NAA35: variants seen among roughly 807,000 people sequenced by gnomAD.
NAA35 encodes N-alpha-acetyltransferase 35, NatC auxiliary subunit.
In NAA35, 18 loss-of-function variants were observed where a neutral mutation model predicts 101.7. The observed-to-expected ratio is 0.18, with a 90% CI of 0.12 to 0.26. NAA35 has a LOEUF of 0.26. Among genes scored for constraint, NAA35 ranks in the 10% least tolerant of loss-of-function variants. The pLI, the probability that NAA35 is intolerant of heterozygous loss-of-function variation, is 1.00. For missense variants in NAA35, 601 were observed against 886.8 expected (o/e 0.68, Z 4.09); for synonymous variants, 267 against 273.1 (o/e 0.98, Z 0.22).
chr9:85,999,729 C>T (rs953740123), intron 12 of NAA35, among the ~76,000 whole-genome samples: 8 of 152,200 alleles, frequency 5.3e-5, no homozygotes, highest in Non-Finnish European at 4.4e-5. Context: ...CCCGAATAGG[C>T]ATTTATTCTG....
At chr9:85,951,858 C>T (rs947014950) in intron 2 of NAA35, among the ~76,000 whole-genome samples, 5 of 152,158 alleles carry the variant, frequency 3.3e-5, no homozygotes, top group African/African-American at 1.2e-4. Context: ...CGGGGTTTCG[C>T]CATGTTGGCC....
chr9:85,954,734 CT>C (rs1226652593), intron 2 of NAA35, among the ~76,000 whole-genome samples: 1 of 152,134 alleles, frequency 6.6e-6, no homozygotes, highest in Non-Finnish European at 1.5e-5. Flanking sequence ...CCTCCATTGC[CT>C]TTTTACCTTC....
chr9:85,964,567 A>G (rs925408043), intron 6 of NAA35, among the ~76,000 whole-genome samples: 5 of 152,172 alleles, frequency 3.3e-5, no homozygotes, highest in African/African-American at 7.2e-5. Context: ...GCGTATCTCT[A>G]TAGTATTCTT....
chr9:85,992,750 T>C (rs1484367463), intron 11 of NAA35, among the ~76,000 whole-genome samples: 1 of 152,190 alleles, frequency 6.6e-6, no homozygotes, highest in Non-Finnish European at 1.5e-5. Context: ...TTAAATGCAG[T>C]TGACATGGTT....
At chr9:85,955,354 ATATATATT>A (rs1587565127) in intron 2 of NAA35, among the ~76,000 whole-genome samples, 2 of 59,114 alleles carry the variant, frequency 3.4e-5, no homozygotes, top group African/African-American at 1.9e-4. Flanking sequence ...ATATATATAT[ATATATATT>A]TTTTTTTTTT....
chr9:85,989,101 T>C (rs1830781613), intron 11 of NAA35, among the ~76,000 whole-genome samples: 2 of 152,320 alleles, frequency 1.3e-5, no homozygotes, highest in South Asian at 4.1e-4. Flanking sequence ...AAAGCAACTA[T>C]TATATTGGCT....
chr9:85,975,749 A>T (rs952419052), intron 8 of NAA35, among the ~76,000 whole-genome samples: 5 of 152,090 alleles, frequency 3.3e-5, no homozygotes, highest in African/African-American at 1.2e-4. Flanking sequence ...TTACTATGGT[A>T]TTTTAAAAAT....
chr9:86,012,998 A>T, intron 15 of NAA35, 48 bp from the exon 16 acceptor site: 2 of 1,262,468 alleles, frequency 1.6e-6, no homozygotes, highest in Non-Finnish European at 2.2e-6. Context: ...TTTCTTTGGT[A>T]CTAGGAAATT....
At position 86,009,907 on chromosome 9, in the gene NAA35, C is replaced by T. The variant is rs1332623465; in HGVS notation, c.1266C>T (p.Asp422=). The T allele has an allele frequency of 6.2e-7, 1 of 1,613,306 alleles. No individual in the cohort carries two copies. The highest frequency in any genetic ancestry group is 1.3e-5 in the African/African-American group (1 of 75,018). ...YNNHQAKDCI[D]SFVTHCVRPF... The stretch of plus-strand genomic sequence containing the variant: ...ATCACCAGGCTAAGGACTGTATCGA[C>T]TCCTTTGTTACTCACTGTGTTCGGG... The change falls in exon 15 of 23, where the codon GAC becomes GAT. Residue 422 remains aspartate (D), a synonymous_variant. Transcript: ENST00000361671.
At chr9:85,942,663 A>G (rs769345276) in intron 2 of NAA35, among the ~76,000 whole-genome samples, 2 of 152,194 alleles carry the variant, frequency 1.3e-5, no homozygotes, top group Non-Finnish European at 2.9e-5. Flanking sequence ...TGTTGCAGGT[A>G]GAATAAAATC....
chr9:85,947,336 C>T (rs1480862702), intron 2 of NAA35, among the ~76,000 whole-genome samples: 2 of 151,396 alleles, frequency 1.3e-5, no homozygotes, highest in African/African-American at 2.4e-5. Flanking sequence ...TCTTTTTTGC[C>T]CCCCACAGCC....
intron 4 of NAA35, among the ~76,000 whole-genome samples, chr9:85,959,448 ATTAATAC>A (rs1829419647): frequency 6.6e-6 from 1 of 151,266 alleles, no homozygotes. Context: ...AATGATTTAT[ATTAATAC>A]TTAAAGCTGG....
At chr9:86,014,568 C>T (rs1029399758) in intron 17 of NAA35, among the ~76,000 whole-genome samples, 7 of 152,192 alleles carry the variant, frequency 4.6e-5, no homozygotes, top group African/African-American at 1.7e-4. Context: ...CTGTGTTACT[C>T]ATCACAAACA....
intron 11 of NAA35, among the ~76,000 whole-genome samples, chr9:85,992,678 A>C (rs1830968759): frequency 6.6e-6 from 1 of 152,202 alleles, no homozygotes; most frequent in African/African-American, 2.4e-5. Context: ...TGTCAGTGTC[A>C]TGGAAGTCAA....
chr9:85,978,399 T>C lies in NAA35; in HGVS notation c.877+18T>C, dbSNP rs916375758. 1 of 1,478,288 alleles carries C rather than the reference T, an allele frequency of 6.8e-7. No individual in the cohort carries two copies. Among genetic ancestry groups the C allele is most frequent in the Non-Finnish European group, 9.5e-7 (1 of 1,056,974 alleles). The allele number at this position is 1,478,288 out of a possible 1,614,324, so 91.6% of individuals were successfully genotyped here. A position where few individuals can be genotyped will look rare whatever the true frequency, so the allele number is the denominator to read the frequency against. The stretch of plus-strand genomic sequence containing the variant: ...AAAAGGAGGTAATTGTTCAATTTGC[T>C]CCTACTCTTTCTTTTCTTCGTTTCT... On this transcript the variant is annotated intron_variant, in intron 11 of 22. Transcript: ENST00000361671.
chr9:85,966,245 A>G (rs1829740212), intron 6 of NAA35, among the ~76,000 whole-genome samples: 1 of 152,198 alleles, frequency 6.6e-6, no homozygotes, highest in Non-Finnish European at 1.5e-5. Flanking sequence ...CTGACCTGTA[A>G]TTGAACATCC....
At chr9:86,007,510 A>G in intron 14 of NAA35, 46 bp downstream of exon 14, 1 of 1,439,560 alleles carries the variant, frequency 6.9e-7, no homozygotes, top group Non-Finnish European at 9.7e-7. Flanking sequence ...GTGCTCCTTT[A>G]AAAGCCCAAC....
At chr9:85,958,611 T>G (rs1829376524) in intron 4 of NAA35, 25 bp downstream of exon 4, 1 of 1,474,222 alleles carries the variant, frequency 6.8e-7, no homozygotes, top group African/African-American at 1.4e-5. Flanking sequence ...ACTTTTTGTG[T>G]TTCCATTTAT....
At chr9:85,953,006 T>C (rs1483981836) in intron 2 of NAA35, among the ~76,000 whole-genome samples, 1 of 152,128 alleles carries the variant, frequency 6.6e-6, no homozygotes, top group African/African-American at 2.4e-5. Context: ...GCCCAGAAGT[T>C]TGAGAACAAC....
Sources: gnomAD v4.1 joint callset for allele counts (sites outside exome capture counted in the v4.1 genomes callset) on GRCh38, gnomAD v4.1.1 for gene constraint, MANE v1.5 for transcripts, NCBI Gene and HGNC (gene_info 2026-07-23, HGNC 2026-07-21) for gene names.